PASD1: variants seen among roughly 807,000 people sequenced by gnomAD.
The protein encoded by PASD1 is circadian clock protein PASD1.
A neutral mutation model predicts 58.8 loss-of-function variants in PASD1; 13 were observed. The observed-to-expected ratio is 0.22, with a 90% CI of 0.14 to 0.35. PASD1 has a LOEUF of 0.35. PASD1 is among the 10% of genes least tolerant of loss of function. The pLI is 1.00. For synonymous variants in PASD1, 236 were observed against 216.7 expected (o/e 1.09, Z -0.78); for missense variants, 734 against 568.3 (o/e 1.29, Z -2.96).
At chrX:151,650,173 G>A (rs975926280) in intron 9 of PASD1, among the ~76,000 whole-genome samples, 9 of 111,093 alleles carry the variant, frequency 8.1e-5, no homozygotes, top group African/African-American at 2.9e-4. Context: ...TATAGCTCTA[G>A]CCATCAGTGT....
At chrX:151,674,263 C>G in intron 15 of PASD1, 77 bp downstream of exon 15, 2 of 1,134,470 alleles carry the variant, frequency 1.8e-6, no homozygotes, top group South Asian at 3.9e-5. Flanking sequence ...AAGGCACACA[C>G]CCCAAGTGCA....
chrX:151,574,072 C>T (rs1020774077), intron 1 of PASD1, among the ~76,000 whole-genome samples: 1 of 112,463 alleles, frequency 8.9e-6, no homozygotes, highest in Admixed American at 9.4e-5. Flanking sequence ...GTCCACATGA[C>T]TACTTTTGCT....
At chrX:151,607,090 CCTA>C (rs2013498284) in intron 3 of PASD1, among the ~76,000 whole-genome samples, 1 of 111,648 alleles carries the variant, frequency 9.0e-6, no homozygotes, top group Admixed American at 9.5e-5. Context: ...CCACTTCTTC[CCTA>C]CTATTTCCTG....
At chrX:151,636,518 C>T (rs2013932277) in intron 8 of PASD1, among the ~76,000 whole-genome samples, 2 of 111,040 alleles carry the variant, frequency 1.8e-5, no homozygotes, top group South Asian at 3.9e-4. Flanking sequence ...ATTCTCCTGC[C>T]TCAGCCTCCT....
Position 151,676,366 on chromosome X carries a change from T to C in PASD1, c.*223T>C, listed in dbSNP as rs952613450. The C allele has an allele frequency of 1.5e-5, 5 of 330,575 alleles. No individual in the cohort carries two copies. The highest frequency in any genetic ancestry group is 5.7e-5 in the Admixed American group (1 of 17,478). The allele number at this position is 330,575 out of a possible 1,213,427, so 27.2% of individuals were successfully genotyped here. On this transcript the variant is annotated 3_prime_UTR_variant, in exon 16 of 16. Transcript: ENST00000370357. The stretch of plus-strand genomic sequence containing the variant: ...AGGCAGCCTGTGATCCGTAGTATGC[T>C]AGGGTGTGACAGCAGCCAGCCACAG...
chrX:151,646,987 G>T (rs1289613974), intron 8 of PASD1, among the ~76,000 whole-genome samples: 1 of 112,164 alleles, frequency 8.9e-6, no homozygotes, highest in South Asian at 3.7e-4. Flanking sequence ...AAGAGTCTAG[G>T]ATGACTTGGA....
chrX:151,623,488 A>T (rs1354330272), intron 7 of PASD1, among the ~76,000 whole-genome samples: 1 of 111,737 alleles, frequency 8.9e-6, no homozygotes, highest in Non-Finnish European at 1.9e-5. Flanking sequence ...CTAATATAGC[A>T]TTCACAAATT....
chrX:151,652,611 T>C (rs1440155162), intron 9 of PASD1, among the ~76,000 whole-genome samples: 1 of 109,597 alleles, frequency 9.1e-6, no homozygotes, highest in South Asian at 3.9e-4. Context: ...ACAAGACTTA[T>C]TGAAAAGATA....
At chrX:151,608,414 T>C (rs1194857040) in intron 3 of PASD1, among the ~76,000 whole-genome samples, 3 of 111,821 alleles carry the variant, frequency 2.7e-5, no homozygotes, top group Non-Finnish European at 5.6e-5. Context: ...TGGAGATTTT[T>C]AAAATAGATT....
chrX:151,672,139 C>G (rs765734053), intron 13 of PASD1, 44 bp from the exon 14 acceptor site: 3 of 1,121,993 alleles, frequency 2.7e-6, no homozygotes, highest in Admixed American at 3.6e-5. Context: ...CTGGGAGGCT[C>G]TTGCAGACAC....
At chrX:151,672,849 A>G (rs2014496962) in intron 14 of PASD1, 188 bp downstream of exon 14, 4 of 660,960 alleles carry the variant, frequency 6.1e-6, no homozygotes, top group Non-Finnish European at 8.8e-6. Flanking sequence ...TGTGTGGTGC[A>G]TGGATGAGCA....
intron 11 of PASD1, among the ~76,000 whole-genome samples, chrX:151,669,932 A>G (rs1323014069): frequency 8.9e-6 from 1 of 111,883 alleles, no homozygotes; most frequent in African/African-American, 3.2e-5. Context: ...GCTGGATCAT[A>G]CGGTAGTTGT....
At chrX:151,593,490 C>T (rs747879941) in intron 1 of PASD1, among the ~76,000 whole-genome samples, 4 of 104,850 alleles carry the variant, frequency 3.8e-5, no homozygotes, top group Admixed American at 1.1e-4. Context: ...TGAGAACATG[C>T]GGTGTATAGT....
intron 4 of PASD1, among the ~76,000 whole-genome samples, chrX:151,614,892 C>T (rs1353788693): frequency 5.4e-5 from 6 of 111,700 alleles, no homozygotes; most frequent in Admixed American, 9.5e-5. Flanking sequence ...CATTCTCTTT[C>T]ATTTTTTAAA....
intron 8 of PASD1, among the ~76,000 whole-genome samples, chrX:151,626,191 G>A (rs1275962840): frequency 1.8e-5 from 2 of 111,732 alleles, no homozygotes; most frequent in Admixed American, 1.9e-4. Flanking sequence ...TGAAAAGAAA[G>A]GTAATGTTTA....
chrX:151,657,497 G>C (rs753748920), intron 9 of PASD1, among the ~76,000 whole-genome samples: 6 of 111,175 alleles, frequency 5.4e-5, no homozygotes, highest in Admixed American at 4.8e-4. Flanking sequence ...CCCGGAGTTT[G>C]TTTGGTTGGT....
Position 151,672,226 on chromosome X carries a change from GGCAGCTGCGGGAGCAGCTGCA to G in PASD1, c.1482_1502del (p.Leu500_Gln506del). On this transcript the variant is annotated inframe_deletion, in exon 14 of 16. Transcript: ENST00000370357. ...GAACAACACCTGAAGGAGCAGCAGC[GGCAGCTGCGGGAGCAGCTGCA>G]ACAGCTGAGAGAGCAAAGGAAGGTG... 8.8e-7 allele frequency: 1 copy of G among 1,137,203 alleles called. No homozygotes were observed. The highest frequency in any genetic ancestry group is 1.2e-6 in the Non-Finnish European group (1 of 850,800). The allele number at this position is 1,137,203 out of a possible 1,213,427, so 93.7% of individuals were successfully genotyped here.
chrX:151,625,865 T>C (rs936645020), intron 8 of PASD1, among the ~76,000 whole-genome samples: 2 of 111,351 alleles, frequency 1.8e-5, no homozygotes, highest in African/African-American at 6.5e-5. Flanking sequence ...GAGGATCAGT[T>C]GAGCCCGGGA....
intron 4 of PASD1, among the ~76,000 whole-genome samples, chrX:151,613,890 G>A (rs1237642542): frequency 9.0e-6 from 1 of 111,386 alleles, no homozygotes; most frequent in Non-Finnish European, 1.9e-5. Context: ...CGAAGATTAA[G>A]GTGCCAAGAG....
Sources: gnomAD v4.1 joint callset for allele counts (sites outside exome capture counted in the v4.1 genomes callset) on GRCh38, gnomAD v4.1.1 for gene constraint, MANE v1.5 for transcripts, NCBI Gene and HGNC (gene_info 2026-07-23, HGNC 2026-07-21) for gene names.